Variants in TMEM151B observed in about 807,000 individuals in gnomAD.
The protein encoded by TMEM151B is transmembrane protein 193.
In TMEM151B, 18 loss-of-function variants were observed where a neutral mutation model predicts 33.0. The ratio of observed to expected loss-of-function variants is 0.55; its 90% CI spans 0.38 to 0.81. The LOEUF (loss-of-function observed/expected upper bound fraction) is 0.81, where lower values mean the gene tolerates loss of function less well. TMEM151B is among the 30% of genes least tolerant of loss of function. The pLI, the probability that TMEM151B is intolerant of heterozygous loss-of-function variation, is 0.00. For synonymous variants in TMEM151B, 354 were observed against 373.6 expected, an observed-to-expected ratio of 0.95 and a Z score of 0.61; for missense variants, 672 against 843.4, an observed-to-expected ratio of 0.80 and a Z score of 2.52.
At position 44,276,368 on chromosome 6, in the gene TMEM151B, G is replaced by GGACGACGAGGAC. The variant is rs1405232941; in HGVS notation, c.1554_1565dup (p.Asp518_Glu521dup). 2 of 1,512,412 alleles carry GGACGACGAGGAC rather than the reference G, an allele frequency of 1.3e-6. No homozygotes were observed. Among genetic ancestry groups the GGACGACGAGGAC allele is most frequent in the East Asian group, 2.7e-5 (1 of 37,716 alleles). 93.7% of individuals were successfully genotyped at this position (1,512,412 alleles called of 1,614,324 possible). A position where few individuals can be genotyped will look rare whatever the true frequency, so the allele number is the denominator to read the frequency against. Reference sequence around the variant, plus strand: ...GGCTGTCCAGCCAGGCCAGCATGGGGGACGACGAGGACGACGACGAGGAGG... The same window carrying GGACGACGAGGAC: ...GGCTGTCCAGCCAGGCCAGCATGGGGGACGACGAGGACGACGACGAGGACGACGACGAGGAGG... On this transcript the variant is annotated inframe_insertion, in exon 3 of 3. Coordinates refer to ENST00000451188, the MANE Select transcript of TMEM151B (RefSeq NM_001137560.2).
chr6:44,275,087 C>A (rs1042603406), intron 2 of TMEM151B, among the ~76,000 whole-genome samples: 1 of 141,072 alleles, frequency 7.1e-6, no homozygotes. Context: ...CACTGCACTC[C>A]AGCCTGGGCG....
intron 1 of TMEM151B, among the ~76,000 whole-genome samples, chr6:44,272,365 G>A (rs1317939381): frequency 6.6e-6 from 1 of 152,106 alleles, no homozygotes; most frequent in African/African-American, 2.4e-5. Context: ...GGATGTCAGG[G>A]TGCAGGAGGG....
chr6:44,272,687 TTC>T (rs1583014248), intron 1 of TMEM151B, among the ~76,000 whole-genome samples: 1 of 152,172 alleles, frequency 6.6e-6, no homozygotes, highest in Non-Finnish European at 1.5e-5. Context: ...TGTCCACATC[TTC>T]TGTTTCATTG....
At chr6:44,274,845 G>A (rs970940785) in intron 2 of TMEM151B, among the ~76,000 whole-genome samples, 1 of 152,180 alleles carries the variant, frequency 6.6e-6, no homozygotes, top group African/African-American at 2.4e-5. Flanking sequence ...GCGGCCGGGG[G>A]CGGTGGCTCA....
At chr6:44,275,256 C>A (rs920264462) in intron 2 of TMEM151B, 147 bp from the exon 3 acceptor site, 1 of 1,404,588 alleles carries the variant, frequency 7.1e-7, no homozygotes. Context: ...AAGATCCTAA[C>A]CAGCTCCAGC....
chr6:44,274,445 G>T (rs1388537339), intron 2 of TMEM151B, among the ~76,000 whole-genome samples: 1 of 152,186 alleles, frequency 6.6e-6, no homozygotes, highest in Non-Finnish European at 1.5e-5. Flanking sequence ...CACTGAGGGT[G>T]GGCAGGTCAA....
Position 44,275,760 on chromosome 6 carries a change from T to C in TMEM151B, c.934T>C (p.Trp312Arg). The C allele has an allele frequency of 1.9e-6, 3 of 1,544,934 alleles. No individual in the cohort carries two copies. Among genetic ancestry groups the C allele is most frequent in the Non-Finnish European group, 2.6e-6 (3 of 1,144,770 alleles). Residue 312 changes from tryptophan to arginine, a missense_variant, in exon 3 of 3, where the codon TGG becomes CGG. Transcript: ENST00000451188. ...FWAAALLTLSWPLRVLAEYRT... is the reference protein window; with the variant it reads ...FWAAALLTLSRPLRVLAEYRT... ...GGCCGCGGCGCTGCTCACGCTGTCG[T>C]GGCCGCTGCGAGTGCTGGCCGAGTA...
intron 1 of TMEM151B, among the ~76,000 whole-genome samples, chr6:44,271,508 C>G (rs1251204833): frequency 2.0e-5 from 3 of 151,970 alleles, no homozygotes; most frequent in Middle Eastern, 3.2e-3. Context: ...CTCCAGCCTC[C>G]CATGCACACT....
Position 44,276,039 on chromosome 6 carries a change from G to T in TMEM151B, c.1213G>T (p.Ala405Ser). Residue 405 changes from alanine (A) to serine (S), a missense_variant, in exon 3 of 3, where the codon GCA becomes TCA. Physicochemically the swap from Ala to Ser is moderately conservative, Grantham distance 99. Transcript: ENST00000451188. ...LAGLGTRCGG[A>S]GGGYAPSCRY... ...GGGGCTCGGGACGCGCTGCGGCGGG[G>T]CAGGCGGCGGCTACGCGCCCTCGTG... is the stretch of plus-strand genomic sequence containing the variant. 7.4e-7 allele frequency: 1 copy of T among 1,350,866 alleles called. No homozygotes were observed. The highest frequency in any genetic ancestry group is 9.5e-7 in the Non-Finnish European group (1 of 1,056,312). 83.7% of individuals were successfully genotyped at this position (1,350,866 alleles called of 1,614,324 possible). A position where few individuals can be genotyped will look rare whatever the true frequency, so the allele number is the denominator to read the frequency against.
rs370858094 is a variant in TMEM151B, at chr6:44,275,696, G to A, written c.870G>A (p.Pro290=). The A allele has an allele frequency of 8.6e-4, 1,337 of 1,550,688 alleles. No homozygotes were observed. The highest frequency in any genetic ancestry group is 1.0e-3 in the Non-Finnish European group (1,202 of 1,146,694). Residue 290 remains proline (P), a synonymous_variant, in exon 3 of 3, where the codon CCG becomes CCA. Transcript: ENST00000451188. ...FREFMVAFPD[P]ARPPWYACSS... ...AGTTCATGGTGGCCTTCCCGGACCC[G>A]GCCCGGCCGCCCTGGTACGCCTGCT...
In TMEM151B at chr6:44,276,703, C is replaced by A; in HGVS notation, c.*176C>A. On this transcript the variant is annotated 3_prime_UTR_variant, in exon 3 of 3. Coordinates refer to ENST00000451188, the MANE Select transcript of TMEM151B (RefSeq NM_001137560.2). ...GGCCGAGACCCCCGCTGTCCCTGTA[C>A]ATAAAGAGACCGATGGGTGGGAGGG... 8.2e-7 allele frequency: 1 copy of A among 1,216,674 alleles called. No individual in the cohort carries two copies. The highest frequency in any genetic ancestry group is 1.0e-6 in the Non-Finnish European group (1 of 971,282). The allele number at this position is 1,216,674 out of a possible 1,614,324, so 75.4% of individuals were successfully genotyped here.
In TMEM151B at chr6:44,277,836, C is replaced by CT. The variant is rs2153338901; in HGVS notation, c.*1310dup. On this transcript the variant is annotated 3_prime_UTR_variant, in exon 3 of 3. Transcript: ENST00000451188. ...CCCCACGTCCTGTTCCCCTAAAGCT[C>CT]TGACACCGCCTTCTCTCCGTGTGCT... 6.5e-6 allele frequency: 1 copy of CT among 152,678 alleles called. No individual in the cohort carries two copies. The highest frequency in any genetic ancestry group is 1.9e-4 in the East Asian group (1 of 5,188). The allele number at this position is 152,678 out of a possible 1,614,324, so 9.5% of individuals were successfully genotyped here. A position where few individuals can be genotyped will look rare whatever the true frequency, so the allele number is the denominator to read the frequency against.
In TMEM151B at chr6:44,270,700, A is replaced by C; in HGVS notation, c.-43A>C. On this transcript the variant is annotated 5_prime_UTR_variant, in exon 1 of 3. Coordinates refer to ENST00000451188, the MANE Select transcript of TMEM151B (RefSeq NM_001137560.2). The stretch of plus-strand genomic sequence containing the variant: ...GCGCAGGATGCCCCCGGCCCCTGGC[A>C]GCCCCCCGGGAGGTCCTGAGCTCGA... 1.5e-6 allele frequency: 1 copy of C among 682,922 alleles called. No homozygotes were observed. Among genetic ancestry groups the C allele is most frequent in the Non-Finnish European group, 1.9e-6 (1 of 528,000 alleles). The allele number at this position is 682,922 out of a possible 1,614,324, so 42.3% of individuals were successfully genotyped here. A position where few individuals can be genotyped will look rare whatever the true frequency, so the allele number is the denominator to read the frequency against.
In TMEM151B at chr6:44,270,872, G is replaced by C. The variant is rs1195665789; in HGVS notation, c.130G>C (p.Glu44Gln). ...GGCGGCGGACGAGGGCCCCGCCCGA[G>C]AGGAGGTGAGAGTCTAGGGCGCCCC... ...AAAADEGPAR[E>Q]EQRPIQPSFT... is the part of the protein sequence containing the mutation. The change falls in exon 1 of 3, where the codon GAG becomes CAG. Residue 44 changes from glutamate to glutamine, a missense_variant. Coordinates refer to ENST00000451188, the MANE Select transcript of TMEM151B (RefSeq NM_001137560.2). 1 of 1,092,960 alleles carries C rather than the reference G, an allele frequency of 9.1e-7. No individual in the cohort carries two copies. The highest frequency in any genetic ancestry group is 1.1e-6 in the Non-Finnish European group (1 of 901,528). The allele number at this position is 1,092,960 out of a possible 1,614,324, so 67.7% of individuals were successfully genotyped here. A position where few individuals can be genotyped will look rare whatever the true frequency, so the allele number is the denominator to read the frequency against.
At position 44,270,684 on chromosome 6, in the gene TMEM151B, G is replaced by T; in HGVS notation, c.-59G>T. The T allele has an allele frequency of 2.3e-6, 1 of 431,528 alleles. No individual in the cohort carries two copies. Among genetic ancestry groups the T allele is most frequent in the Non-Finnish European group, 3.3e-6 (1 of 298,748 alleles). 26.7% of individuals were successfully genotyped at this position (431,528 alleles called of 1,614,324 possible). ...CCTCTCCCCAGGGCCCGCGCAGGAT[G>T]CCCCCGGCCCCTGGCAGCCCCCCGG... On this transcript the variant is annotated 5_prime_UTR_variant, in exon 1 of 3. The change abolishes an upstream ATG in the 5' untranslated region. Coordinates refer to ENST00000451188, the MANE Select transcript of TMEM151B (RefSeq NM_001137560.2).
chr6:44,272,870 G>A (rs1420027825), intron 1 of TMEM151B, among the ~76,000 whole-genome samples, 196 bp from the exon 2 acceptor site: 1 of 152,030 alleles, frequency 6.6e-6, no homozygotes, highest in Non-Finnish European at 1.5e-5. Flanking sequence ...GGCTTGCTCT[G>A]TGTCACTTCT....
chr6:44,276,040 C>T lies in TMEM151B; in HGVS notation c.1214C>T (p.Ala405Val). Residue 405 changes from alanine to valine, a missense_variant, in exon 3 of 3, where the codon GCA becomes GTA. Transcript: ENST00000451188. Reference protein sequence around the residue: ...LAGLGTRCGGAGGGYAPSCRY... With the variant: ...LAGLGTRCGGVGGGYAPSCRY... ...GGGCTCGGGACGCGCTGCGGCGGGG[C>T]AGGCGGCGGCTACGCGCCCTCGTGC... 1 of 1,350,986 alleles carries T rather than the reference C, an allele frequency of 7.4e-7. No individual in the cohort carries two copies. Among genetic ancestry groups the T allele is most frequent in the Non-Finnish European group, 9.5e-7 (1 of 1,056,412 alleles). The allele number at this position is 1,350,986 out of a possible 1,614,324, so 83.7% of individuals were successfully genotyped here.
Position 44,276,042 on chromosome 6 carries a change from G to C in TMEM151B, c.1216G>C (p.Gly406Arg). 7.4e-7 allele frequency: 1 copy of C among 1,352,180 alleles called. No homozygotes were observed. The highest frequency in any genetic ancestry group is 9.5e-7 in the Non-Finnish European group (1 of 1,057,204). 83.8% of individuals were successfully genotyped at this position (1,352,180 alleles called of 1,614,324 possible). ...GCTCGGGACGCGCTGCGGCGGGGCAGGCGGCGGCTACGCGCCCTCGTGCCG... is the reference window on the plus strand; with the variant it reads ...GCTCGGGACGCGCTGCGGCGGGGCACGCGGCGGCTACGCGCCCTCGTGCCG... The part of the protein sequence containing the change: ...AGLGTRCGGA[G>R]GGYAPSCRYG... Residue 406 changes from glycine to arginine, a missense_variant, in exon 3 of 3, where the codon GGC becomes CGC. Gly to Arg is a moderately radical substitution (Grantham distance 125). Transcript: ENST00000451188.
chr6:44,276,039 G>C lies in TMEM151B; in HGVS notation c.1213G>C (p.Ala405Pro). The change falls in exon 3 of 3, where the codon GCA becomes CCA. Residue 405 changes from alanine to proline, a missense_variant. Ala to Pro is a conservative substitution (Grantham distance 27). Around this residue, in one of 3 missense-constraint regions of TMEM151B, gnomAD observed 324 missense variants for 363.1 expected, o/e 0.89. Transcript: ENST00000451188. ...LAGLGTRCGGAGGGYAPSCRY... is the reference protein window; with the variant it reads ...LAGLGTRCGGPGGGYAPSCRY... The stretch of plus-strand genomic sequence containing the variant: ...GGGGCTCGGGACGCGCTGCGGCGGG[G>C]CAGGCGGCGGCTACGCGCCCTCGTG... The C allele has an allele frequency of 7.4e-7, 1 of 1,350,866 alleles. No individual in the cohort carries two copies. Among genetic ancestry groups the C allele is most frequent in the Non-Finnish European group, 9.5e-7 (1 of 1,056,312 alleles). The allele number at this position is 1,350,866 out of a possible 1,614,324, so 83.7% of individuals were successfully genotyped here. A position where few individuals can be genotyped will look rare whatever the true frequency, so the allele number is the denominator to read the frequency against.
Sources: allele counts gnomAD v4.1 joint callset (sites outside exome capture counted in the v4.1 genomes callset), GRCh38; gene constraint gnomAD v4.1.1; regional missense constraint gnomAD v4.1.1; transcripts MANE v1.5; gene names NCBI Gene and HGNC (gene_info 2026-07-23, HGNC 2026-07-21).